The following GRM7 variants were observed in gnomAD, a reference collection of about 807,000 sequenced individuals.
GRM7 encodes metabotropic glutamate receptor 7.
GRM7 carries 35 observed loss-of-function variants against 84.5 expected under a neutral mutation model. The observed-to-expected ratio is 0.41, with a 90% CI of 0.32 to 0.55. GRM7 has a LOEUF of 0.55. Ranked by LOEUF, GRM7 falls within the 20% of genes least tolerant of loss-of-function variation. The pLI is 0.19. For missense variants in GRM7, 1,003 were observed against 1,194.6 expected, an observed-to-expected ratio of 0.84 and a Z score of 2.36; for synonymous variants, 487 against 455.1, an observed-to-expected ratio of 1.07 and a Z score of -0.89.
chr3:7,701,874 G>A (rs904149389), intron 9 of GRM7, among the ~76,000 whole-genome samples: 1 of 152,100 alleles, frequency 6.6e-6, no homozygotes, highest in East Asian at 1.9e-4. Flanking sequence ...AGTGGGAACC[G>A]TTGTTTCCTC....
At chr3:7,589,539 A>G (rs976109702) in intron 8 of GRM7, among the ~76,000 whole-genome samples, 5 of 152,212 alleles carry the variant, frequency 3.3e-5, no homozygotes, top group Non-Finnish European at 7.3e-5. Flanking sequence ...AGGCAAGTTA[A>G]TGGCACAGTC....
intron 2 of GRM7, among the ~76,000 whole-genome samples, chr3:7,161,879 G>T (rs993109770): frequency 6.6e-6 from 1 of 152,180 alleles, no homozygotes; most frequent in Non-Finnish European, 1.5e-5. Flanking sequence ...CCTTTTATTT[G>T]TGTTGCTTAC....
intron 2 of GRM7, among the ~76,000 whole-genome samples, chr3:7,297,836 G>A (rs762516023): frequency 6.6e-6 from 1 of 152,138 alleles, no homozygotes; most frequent in Non-Finnish European, 1.5e-5. Context: ...CATCGATGCT[G>A]GCTTTTAAGT....
intron 1 of GRM7, among the ~76,000 whole-genome samples, chr3:7,134,312 G>A (rs887340828): frequency 3.3e-5 from 5 of 151,982 alleles, no homozygotes; most frequent in African/African-American, 1.2e-4. Context: ...AAAAAAATGG[G>A]ATGAGACAAG....
chr3:7,670,732 C>CT (rs58066668), intron 8 of GRM7, among the ~76,000 whole-genome samples: 152,318 of 152,318 alleles, frequency 1, 76,159 homozygotes, highest in Non-Finnish European at 1. Flanking sequence ...ATTCTTTAAA[C>CT]TACTGGGTGA....
At chr3:7,107,158 C>T (rs928345634) in intron 1 of GRM7, among the ~76,000 whole-genome samples, 2 of 151,972 alleles carry the variant, frequency 1.3e-5, no homozygotes, top group African/African-American at 2.4e-5. Flanking sequence ...TGTTACTGAG[C>T]ACTCATCAGG....
intron 4 of GRM7, among the ~76,000 whole-genome samples, chr3:7,309,236 C>T (rs553986870): frequency 6.6e-6 from 1 of 152,266 alleles, no homozygotes; most frequent in South Asian, 2.1e-4. Flanking sequence ...TACAGTGTCA[C>T]TTCTATGAAA....
intron 2 of GRM7, among the ~76,000 whole-genome samples, chr3:7,173,958 T>G (rs2125090608): frequency 6.6e-6 from 1 of 152,364 alleles, no homozygotes; most frequent in South Asian, 2.1e-4. Context: ...TTTTATTTCC[T>G]TTTGTTTCCC....
At chr3:7,391,352 A>G (rs1694985887) in intron 4 of GRM7, among the ~76,000 whole-genome samples, 1 of 152,212 alleles carries the variant, frequency 6.6e-6, no homozygotes, top group Non-Finnish European at 1.5e-5. Context: ...AATGTGGCAC[A>G]TACACACCAT....
intron 4 of GRM7, among the ~76,000 whole-genome samples, chr3:7,344,249 T>A (rs1489534365): frequency 6.6e-6 from 1 of 152,146 alleles, no homozygotes; most frequent in Admixed American, 6.6e-5. Context: ...CTTCCCACCC[T>A]CTACCCTCTG....
chr3:7,319,759 T>G (rs112447950), intron 4 of GRM7, among the ~76,000 whole-genome samples: 15 of 152,202 alleles, frequency 9.9e-5, no homozygotes, highest in African/African-American at 3.4e-4. Flanking sequence ...ACTGTTTGTT[T>G]TTCTCAACTG....
chr3:7,342,110 A>G (rs1305307552), intron 4 of GRM7, among the ~76,000 whole-genome samples: 6 of 152,146 alleles, frequency 3.9e-5, no homozygotes, highest in African/African-American at 1.2e-4. Flanking sequence ...TCCCAAGTCA[A>G]TTCCCTGCTA....
At chr3:7,631,307 C>T (rs1329943277) in intron 8 of GRM7, among the ~76,000 whole-genome samples, 3 of 152,094 alleles carry the variant, frequency 2.0e-5, no homozygotes, top group Non-Finnish European at 2.9e-5. Context: ...CTTGGTGCCT[C>T]GGGTAGAAGT....
intron 2 of GRM7, among the ~76,000 whole-genome samples, chr3:7,219,265 A>G (rs1461253258): frequency 1.3e-5 from 1 of 74,592 alleles, no homozygotes; most frequent in African/African-American, 1.4e-4. Flanking sequence ...TTTGGTTCAC[A>G]CGTCTAACCA....
chr3:7,572,844 ATATATATATATATATATATATATAT>A lies in GRM7; in HGVS notation c.1516-5577_1516-5553del, dbSNP rs1694753030. Among the ~76,000 whole-genome samples, 4 of 22,768 alleles carry A rather than the reference ATATATATATATATATATATATATAT, an allele frequency of 1.8e-4. No homozygotes were observed. In the South Asian group the frequency reaches 4.0e-3, roughly 23 times the overall value. 14.9% of individuals were successfully genotyped at this position (22,768 alleles called of 152,430 possible). ...CTCAAATATATATATATATATATAT[ATATATATATATATATATATATATAT>A]ATATATATATAAATAATCTTTCTAC... On this transcript the variant is annotated intron_variant, in intron 7 of 9. Coordinates refer to ENST00000357716, the MANE Select transcript of GRM7 (RefSeq NM_000844.4).
At chr3:6,892,348 G>A (rs74600136) in intron 1 of GRM7, among the ~76,000 whole-genome samples, 15,060 of 150,288 alleles carry the variant, frequency 0.1, 871 homozygotes, top group Non-Finnish European at 0.14. Context: ...AGCGAGGCAG[G>A]CCTGCACATA....
chr3:7,319,307 T>C (rs1438579652), intron 4 of GRM7, among the ~76,000 whole-genome samples: 1 of 151,742 alleles, frequency 6.6e-6, no homozygotes, highest in Non-Finnish European at 1.5e-5. Context: ...AACTAAGAAA[T>C]AAGGGTGGAA....
intron 1 of GRM7, among the ~76,000 whole-genome samples, chr3:6,882,733 A>G (rs1006107479): frequency 9.2e-5 from 14 of 152,184 alleles, no homozygotes; most frequent in Admixed American, 2.6e-4. Flanking sequence ...TTTGCTTATT[A>G]GTATATAATG....
At position 7,164,983 on chromosome 3, in the gene GRM7, A is replaced by T. The variant is rs193292559; in HGVS notation, c.736+18315A>T. Among the ~76,000 whole-genome samples the T allele has an allele frequency of 2.6e-4, 39 of 152,342 alleles. 1 individual carries two copies. In the East Asian group the frequency reaches 7.1e-3, roughly 28 times the overall value. On this transcript the variant is annotated intron_variant, in intron 2 of 9. Coordinates refer to ENST00000357716, the MANE Select transcript of GRM7 (RefSeq NM_000844.4). ...GTTCATATGTCTTCCACAGTGGAAA[A>T]ATCAGCATCTGTGTTTACTGCCCAG...
Sources: allele counts gnomAD v4.1 joint callset (sites outside exome capture counted in the v4.1 genomes callset), GRCh38; gene constraint gnomAD v4.1.1; transcripts MANE v1.5; gene names NCBI Gene and HGNC (gene_info 2026-07-23, HGNC 2026-07-21).